ADGRF1: variants seen among roughly 807,000 people sequenced by gnomAD.
ADGRF1 encodes the protein G protein-coupled receptor 110.
A neutral mutation model predicts 87.2 loss-of-function variants in ADGRF1; 85 were observed. The observed-to-expected ratio is 0.97, with a 90% CI of 0.82 to 1.17. The LOEUF is 1.17. Ranked by LOEUF, ADGRF1 falls within the 50% of genes most tolerant of loss-of-function variation. The probability of loss-of-function intolerance (pLI) is 0.00; values close to 1 mark genes in which losing one functional copy is unlikely to be tolerated. For missense variants in ADGRF1, 1,169 were observed against 1,077.2 expected (o/e 1.09, Z -1.19); for synonymous variants, 430 against 408.8 (o/e 1.05, Z -0.63).
intron 1 of ADGRF1, among the ~76,000 whole-genome samples, chr6:47,041,803 G>A (rs1208871924): frequency 6.6e-6 from 1 of 152,132 alleles, no homozygotes; most frequent in Non-Finnish European, 1.5e-5. Flanking sequence ...AAGGGTTAAC[G>A]TATTATGAAT....
At chr6:47,022,370 A>G (rs369433447) in intron 5 of ADGRF1, among the ~76,000 whole-genome samples, 28 of 152,362 alleles carry the variant, frequency 1.8e-4, no homozygotes, top group African/African-American at 6.5e-4. Context: ...CATCTGGGCA[A>G]TAAGCTTAAG....
rs1582140934 is a variant in ADGRF1, at chr6:47,007,312, T to C, written c.2491-18A>G. 2 of 1,412,200 alleles carry C rather than the reference T, an allele frequency of 1.4e-6. No individual in the cohort carries two copies. The highest frequency in any genetic ancestry group is 2.0e-6 in the Non-Finnish European group (2 of 999,630). 87.5% of individuals were successfully genotyped at this position (1,412,200 alleles called of 1,614,324 possible). On this transcript the variant is annotated intron_variant, in intron 11 of 14. Coordinates refer to ENST00000371253, the MANE Select transcript of ADGRF1 (RefSeq NM_153840.4). ...AAAAATCCCTTTAAAAAGAAAGGAA[T>C]AAATCACATGTATTGTATTTTTCTT...
In ADGRF1 at chr6:47,014,743, A is replaced by T; in HGVS notation, c.865T>A (p.Ser289Thr). The T allele has an allele frequency of 1.2e-6, 2 of 1,613,902 alleles. No homozygotes were observed. Among genetic ancestry groups the T allele is most frequent in the Non-Finnish European group, 1.7e-6 (2 of 1,179,968 alleles). ...YRGNITAKCE[S>T]SGWQVIRETC... is the part of the protein sequence containing the mutation. ...TCCCTGATGACCTGCCACCCAGAGG[A>T]CTCACACTTGGCTGTGATGTTTCCC... is the stretch of plus-strand genomic sequence containing the variant. The change falls in exon 9 of 15, where the codon TCC (serine) becomes ACC (threonine). Residue 289 changes from serine to threonine, a missense_variant. By Grantham distance (58) the Ser-to-Thr change is moderately conservative. Coordinates refer to ENST00000371253, the MANE Select transcript of ADGRF1 (RefSeq NM_153840.4).
Position 47,009,456 on chromosome 6 carries a change from G to A in ADGRF1, c.1979C>T (p.Ala660Val), listed in dbSNP as rs768613174. The change falls in exon 11 of 15, where the codon GCT (alanine) becomes GTT (valine). Residue 660 changes from alanine (A) to valine (V), a missense_variant. Transcript: ENST00000371253. Reference protein sequence around the residue: ...TVNPSGVCTAAVFFTHFFYLS... With the variant: ...TVNPSGVCTAVVFFTHFFYLS... ...GTAGAAGAAGTGTGTAAAGAACACA[G>A]CAGCTGTGCAGACTCCAGAAGGGTT... 1.9e-6 allele frequency: 3 copies of A among 1,613,854 alleles called. No individual in the cohort carries two copies. The highest frequency in any genetic ancestry group is 1.7e-6 in the Non-Finnish European group (2 of 1,179,914).
rs528932336 is a variant in ADGRF1, at chr6:47,000,148, A to G, written c.*74T>C. On this transcript the variant is annotated 3_prime_UTR_variant, in exon 15 of 15. Coordinates refer to ENST00000371253, the MANE Select transcript of ADGRF1 (RefSeq NM_153840.4). ...AAAACCCGATCGAATACTGAGCATAATTTCTTCATTGACATTTGTCTCTAA... is the reference window on the plus strand; with the variant it reads ...AAAACCCGATCGAATACTGAGCATAGTTTCTTCATTGACATTTGTCTCTAA... 10 of 1,150,884 alleles carry G rather than the reference A, an allele frequency of 8.7e-6. No homozygotes were observed. In the East Asian group the frequency reaches 2.1e-4, roughly 24 times the overall value. The allele number at this position is 1,150,884 out of a possible 1,614,324, so 71.3% of individuals were successfully genotyped here. A position where few individuals can be genotyped will look rare whatever the true frequency, so the allele number is the denominator to read the frequency against.
At position 47,028,481 on chromosome 6, in the gene ADGRF1, C is replaced by T. The variant is rs139622802; in HGVS notation, c.69+512G>A. ...GGTTCGATTTTGAACAAATGAAGTTCCGAGGTCCGCTGGATTCCCAGCTGG... is the reference window on the plus strand; with the variant it reads ...GGTTCGATTTTGAACAAATGAAGTTTCGAGGTCCGCTGGATTCCCAGCTGG... On this transcript the variant is annotated intron_variant, in intron 2 of 14. Coordinates refer to ENST00000371253, the MANE Select transcript of ADGRF1 (RefSeq NM_153840.4). Among the ~76,000 whole-genome samples the T allele has an allele frequency of 2.5e-3, 384 of 152,200 alleles. 3 individuals carry two copies. The highest frequency in any genetic ancestry group is 8.7e-3 in the African/African-American group (363 of 41,518).
In ADGRF1 at chr6:46,997,942, G is replaced by T. The variant is rs1348948638; in HGVS notation, c.*2280C>A. 1 of 152,080 alleles carries T rather than the reference G, an allele frequency of 6.6e-6. No homozygotes were observed. The highest frequency in any genetic ancestry group is 3.2e-3 in the Middle Eastern group (1 of 316). The allele number at this position is 152,080 out of a possible 1,614,324, so 9.4% of individuals were successfully genotyped here. On this transcript the variant is annotated 3_prime_UTR_variant, in exon 15 of 15. Transcript: ENST00000371253. ...ACATTTTGGTCATTTTAAATAGTTT[G>T]GTAATTATGACTCCCAGTCGCCTAC...
chr6:47,015,601 T>TTTATTTATTTAC (rs1284866394), intron 8 of ADGRF1, among the ~76,000 whole-genome samples: 6 of 151,758 alleles, frequency 4.0e-5, no homozygotes, highest in African/African-American at 1.5e-4. Context: ...TATTTATTTA[T>TTTATTTATTTAC]TTTTGTAACA....
rs769277463 is a variant in ADGRF1 at position 47,024,108 on chromosome 6, T to C, written c.387A>G (p.Ala129=). Residue 129 remains alanine (A), a synonymous_variant, in exon 5 of 15, where the codon GCA becomes GCG. Transcript: ENST00000371253. ...PQNCYLHTAG[A]LPSCECHLNN... is the part of the protein sequence containing the mutation. ...TGAGATGACATTCACAGCTTGGGAG[T>C]GCTCCAGCCGTGTGAAGGTAGCAGT... is the stretch of plus-strand genomic sequence containing the variant. 6.2e-7 allele frequency: 1 copy of C among 1,613,974 alleles called. No individual in the cohort carries two copies. The highest frequency in any genetic ancestry group is 8.5e-7 in the Non-Finnish European group (1 of 1,179,966).
intron 12 of ADGRF1, 75 bp downstream of exon 12, chr6:47,007,178 A>G (rs1010959892): frequency 1.2e-6 from 1 of 837,030 alleles, no homozygotes; most frequent in East Asian, 2.6e-5. Context: ...TTATATGAAT[A>G]AAGGCCTCAG....
At chr6:47,022,797 C>CT (rs1160296509) in intron 5 of ADGRF1, among the ~76,000 whole-genome samples, 1 of 135,026 alleles carries the variant, frequency 7.4e-6, no homozygotes, top group African/African-American at 3.0e-5. Flanking sequence ...TCTTTCTTTT[C>CT]TTTTTTCTTT....
At position 47,009,959 on chromosome 6, in the gene ADGRF1, G is replaced by T. The variant is rs533540978; in HGVS notation, c.1476C>A (p.Pro492=). 1 of 1,614,108 alleles carries T rather than the reference G, an allele frequency of 6.2e-7. No individual in the cohort carries two copies. The highest frequency in any genetic ancestry group is 1.7e-5 in the Admixed American group (1 of 60,018). ...MASLTLGNIL[P]VSKNGNAQVN... The stretch of plus-strand genomic sequence containing the variant: ...CCTGAGCATTTCCATTTTTGGAAAC[G>T]GGTAGAATGTTCCCCAGAGTCAACG... The change falls in exon 11 of 15, where the codon CCC becomes CCA. Residue 492 remains proline (P), a synonymous_variant. Coordinates refer to ENST00000371253, the MANE Select transcript of ADGRF1 (RefSeq NM_153840.4).
chr6:47,038,265 CTTAAG>C (rs1367157496), intron 1 of ADGRF1, among the ~76,000 whole-genome samples: 1 of 152,164 alleles, frequency 6.6e-6, no homozygotes, highest in Non-Finnish European at 1.5e-5. Context: ...TTCAATCTTT[CTTAAG>C]TTAATTTAGG....
At chr6:47,003,072 C>G (rs181729929) in intron 13 of ADGRF1, among the ~76,000 whole-genome samples, 1 of 148,482 alleles carries the variant, frequency 6.7e-6, no homozygotes, top group East Asian at 2.0e-4. Flanking sequence ...TCTAAGCCCC[C>G]CAACCAACTG....
chr6:47,020,230 A>G, intron 7 of ADGRF1: 1 of 1,268,594 alleles, frequency 7.9e-7, no homozygotes, highest in African/African-American at 1.5e-5. Context: ...GTGGTGGCTC[A>G]TGCCTGTAAT....
intron 7 of ADGRF1, chr6:47,020,158 G>A (rs1178923866): frequency 1.8e-6 from 2 of 1,120,738 alleles, no homozygotes; most frequent in Middle Eastern, 3.9e-4. Flanking sequence ...TTGTTTTGTA[G>A]TTCTACTCAC....
Position 47,009,128 on chromosome 6 carries a change from G to C in ADGRF1, c.2307C>G (p.Leu769=). 6.2e-7 allele frequency: 1 copy of C among 1,614,102 alleles called. No individual in the cohort carries two copies. The highest frequency in any genetic ancestry group is 8.5e-7 in the Non-Finnish European group (1 of 1,180,014). Residue 769 remains leucine, a synonymous_variant, in exon 11 of 15, where the codon CTC becomes CTG. Coordinates refer to ENST00000371253, the MANE Select transcript of ADGRF1 (RefSeq NM_153840.4). ...GTCTTTCCCCAACAGTCGGCCTCCA[G>C]AGCTTTGTGAGAACTAGCAGCACCA... is the stretch of plus-strand genomic sequence containing the variant. The part of the protein sequence containing the change: ...FVVVLLVLTK[L]WRPTVGERLS...
intron 1 of ADGRF1, among the ~76,000 whole-genome samples, chr6:47,035,252 G>A (rs1383981238): frequency 3.3e-5 from 5 of 152,182 alleles, no homozygotes; most frequent in Non-Finnish European, 7.3e-5. Context: ...AAGATGCCAA[G>A]CTCTTTCTTC....
chr6:47,019,814 T>TATTA, intron 7 of ADGRF1: 1 of 984,686 alleles, frequency 1.0e-6, no homozygotes, highest in African/African-American at 1.7e-5. Flanking sequence ...GCAGACAGAT[T>TATTA]ATTAATAGTT....
Sources: gnomAD v4.1 joint callset for allele counts (sites outside exome capture counted in the v4.1 genomes callset) on GRCh38, gnomAD v4.1.1 for gene constraint, MANE v1.5 for transcripts, NCBI Gene and HGNC (gene_info 2026-07-23, HGNC 2026-07-21) for gene names.